Variants in CDH1 observed in about 807,000 individuals in gnomAD.
The protein encoded by CDH1 is cadherin-1.
In CDH1, 35 loss-of-function variants were observed where a neutral mutation model predicts 84.5. That is an observed-to-expected ratio of 0.41 (90% CI 0.32 to 0.55). CDH1 has a LOEUF of 0.55. Ranked by LOEUF, CDH1 falls within the 20% of genes least tolerant of loss-of-function variation. The pLI, the probability that CDH1 is intolerant of heterozygous loss-of-function variation, is 0.19. For missense variants in CDH1, 994 were observed against 1,126.6 expected (o/e 0.88, Z 1.68); for synonymous variants, 417 against 439.0 (o/e 0.95, Z 0.63).
chr16:68,774,704 G>A (rs1371344478), intron 2 of CDH1, among the ~76,000 whole-genome samples: 1 of 152,136 alleles, frequency 6.6e-6, no homozygotes, highest in Admixed American at 6.5e-5. Context: ...CTCAAGCAGT[G>A]CTGGGGCCCT....
At chr16:68,823,326 G>A (rs1961219963) in intron 12 of CDH1, 73 bp from the exon 13 acceptor site, 1 of 1,098,938 alleles carries the variant, frequency 9.1e-7, no homozygotes, top group African/African-American at 1.6e-5. Context: ...TAGTTCACTA[G>A]CAATTTTATT....
chr16:68,804,018 T>A (rs1332312059), intron 3 of CDH1, among the ~76,000 whole-genome samples: 2 of 151,948 alleles, frequency 1.3e-5, no homozygotes, highest in African/African-American at 4.8e-5. Context: ...TGTCTTTTTT[T>A]ATTTTTTTAA....
intron 2 of CDH1, among the ~76,000 whole-genome samples, chr16:68,753,417 G>T (rs2152117799): frequency 6.6e-6 from 1 of 151,632 alleles, no homozygotes; most frequent in Non-Finnish European, 1.5e-5. Flanking sequence ...TGCAATCTTG[G>T]CTCACTGCAA....
intron 2 of CDH1, among the ~76,000 whole-genome samples, chr16:68,743,252 C>T (rs1962613623): frequency 1.3e-5 from 2 of 152,266 alleles, no homozygotes; most frequent in East Asian, 1.9e-4. Flanking sequence ...CCCCGAGAGG[C>T]ACCTGTCCCA....
chr16:68,777,507 G>A (rs190223083), intron 2 of CDH1, among the ~76,000 whole-genome samples: 1 of 146,878 alleles, frequency 6.8e-6, no homozygotes, highest in African/African-American at 2.5e-5. Context: ...TTGTGGGGTG[G>A]TAGTGTTCTA....
In CDH1 at chr16:68,815,694, C is replaced by T. The variant is rs781317341; in HGVS notation, c.1500C>T (p.Gly500=). 1.2e-5 allele frequency: 20 copies of T among 1,614,068 alleles called. No homozygotes were observed. In the East Asian group the frequency reaches 1.6e-4, roughly 13 times the overall value. The part of the protein sequence containing the change: ...EKRVEVSEDF[G]VGQEITSYTA... ...GAGTGGAAGTGTCCGAGGACTTTGG[C>T]GTGGGCCAGGAAATCACATCCTACA... Residue 500 remains glycine (G), a synonymous_variant, in exon 10 of 16, where the codon GGC becomes GGT. Transcript: ENST00000261769.
At chr16:68,774,003 C>A (rs1959656632) in intron 2 of CDH1, among the ~76,000 whole-genome samples, 1 of 152,246 alleles carries the variant, frequency 6.6e-6, no homozygotes, top group South Asian at 2.1e-4. Context: ...TGCAGCTCAA[C>A]TTCCCAGCCT....
At chr16:68,750,980 C>T (rs1962871493) in intron 2 of CDH1, among the ~76,000 whole-genome samples, 1 of 152,072 alleles carries the variant, frequency 6.6e-6, no homozygotes, top group South Asian at 2.1e-4. Context: ...GCTGGATTTA[C>T]AGGCATGACG....
At chr16:68,769,360 C>T (rs1345534771) in intron 2 of CDH1, among the ~76,000 whole-genome samples, 1 of 152,130 alleles carries the variant, frequency 6.6e-6, no homozygotes, top group African/African-American at 2.4e-5. Flanking sequence ...ACTTCAATGT[C>T]TGTTGGCTGC....
intron 3 of CDH1, among the ~76,000 whole-genome samples, chr16:68,805,643 A>G (rs1193946232): frequency 6.6e-6 from 1 of 152,164 alleles, no homozygotes; most frequent in Non-Finnish European, 1.5e-5. Context: ...CACCCAGGCT[A>G]GAGTGCAATG....
intron 2 of CDH1, among the ~76,000 whole-genome samples, chr16:68,779,737 G>T (rs1567491385): frequency 6.6e-6 from 1 of 152,186 alleles, no homozygotes; most frequent in Non-Finnish European, 1.5e-5. Flanking sequence ...CATGCCTGTA[G>T]TCCCAGCTAC....
At chr16:68,773,018 C>G (rs1031126981) in intron 2 of CDH1, among the ~76,000 whole-genome samples, 1 of 152,112 alleles carries the variant, frequency 6.6e-6, no homozygotes, top group Non-Finnish European at 1.5e-5. Flanking sequence ...ATACATTAGA[C>G]AAAAAGAATT....
rs372936969 is a variant in CDH1 at position 68,833,516 on chromosome 16, G to A, written c.*17G>A. ...GACGACTAGGGGACTCGAGAGAGGC[G>A]GGCCCCAGACCCATGTGCTGGGAAA... On this transcript the variant is annotated 3_prime_UTR_variant, in exon 16 of 16. Transcript: ENST00000261769. 2.1e-5 allele frequency: 34 copies of A among 1,604,620 alleles called. No homozygotes were observed. The highest frequency in any genetic ancestry group is 3.3e-5 in the South Asian group (3 of 90,828).
rs777904889 is a variant in CDH1, at chr16:68,823,641, C to T, written c.2164+15C>T. On this transcript the variant is annotated intron_variant, in intron 13 of 15. Transcript: ENST00000261769. ...TGCTTTGCTAAGTAAGTCCAGCTGG[C>T]AAGTGACTCAGCCTTTGACTTAAAA... The T allele has an allele frequency of 5.8e-6, 9 of 1,544,216 alleles. No individual in the cohort carries two copies. The highest frequency in any genetic ancestry group is 8.0e-6 in the Non-Finnish European group (9 of 1,121,740).
intron 2 of CDH1, among the ~76,000 whole-genome samples, chr16:68,797,949 T>C (rs573029952): frequency 1.3e-5 from 2 of 151,988 alleles, no homozygotes; most frequent in African/African-American, 2.4e-5. Context: ...CGTGGTGGTG[T>C]GCACCTGTAA....
At chr16:68,807,263 T>C (rs1292027007) in intron 3 of CDH1, among the ~76,000 whole-genome samples, 2 of 152,212 alleles carry the variant, frequency 1.3e-5, no homozygotes, top group Admixed American at 1.3e-4. Context: ...ATAGACATAA[T>C]GATACAGTGA....
intron 3 of CDH1, among the ~76,000 whole-genome samples, chr16:68,806,002 C>T (rs1274687126): frequency 3.3e-5 from 5 of 152,130 alleles, no homozygotes; most frequent in Non-Finnish European, 7.4e-5. Flanking sequence ...GGTTGGAGTG[C>T]AGTGACACAA....
At chr16:68,757,819 G>A (rs1963052987) in intron 2 of CDH1, among the ~76,000 whole-genome samples, 1 of 148,250 alleles carries the variant, frequency 6.7e-6, no homozygotes, top group Non-Finnish European at 1.5e-5. Flanking sequence ...TTGAGACAGG[G>A]CCTTTTTCTG....
chr16:68,797,482 T>C (rs890449139), intron 2 of CDH1, among the ~76,000 whole-genome samples: 1 of 151,752 alleles, frequency 6.6e-6, no homozygotes, highest in African/African-American at 2.4e-5. Context: ...CAGGAGTTTG[T>C]GAGCAGCCTG....
Sources: gnomAD v4.1 joint callset for allele counts (sites outside exome capture counted in the v4.1 genomes callset) on GRCh38, gnomAD v4.1.1 for gene constraint, MANE v1.5 for transcripts, NCBI Gene and HGNC (gene_info 2026-07-23, HGNC 2026-07-21) for gene names.